The following OTOP3 variants were observed in gnomAD, a reference collection of about 807,000 sequenced individuals.
OTOP3 encodes proton channel OTOP3.
In OTOP3, 41 loss-of-function variants were observed where a neutral mutation model predicts 50.8. The ratio of observed to expected loss-of-function variants is 0.81; its 90% CI spans 0.63 to 1.05. The LOEUF is 1.05. OTOP3 is among the 50% of genes least tolerant of loss of function. OTOP3 has a pLI of 0.00. For synonymous variants in OTOP3, 320 were observed against 324.4 expected, an observed-to-expected ratio of 0.99 and a Z score of 0.14; for missense variants, 788 against 760.8, an observed-to-expected ratio of 1.04 and a Z score of -0.42.
rs558778076 is a variant in OTOP3 at position 74,941,051 on chromosome 17, T to C, written c.20-342T>C. Among the ~76,000 whole-genome samples the C allele has an allele frequency of 2.0e-5, 3 of 152,292 alleles. No homozygotes were observed. In the East Asian group the frequency reaches 5.8e-4, roughly 29 times the overall value. On this transcript the variant is annotated intron_variant, in intron 1 of 6. Coordinates refer to ENST00000328801, the MANE Select transcript of OTOP3 (RefSeq NM_001272005.2). Reference sequence around the variant, plus strand: ...ACCGCTGCCTTTTCATGGCAAAAAGTCACAGCCCTAGAAACTGACCAGGCA... The same window carrying C: ...ACCGCTGCCTTTTCATGGCAAAAAGCCACAGCCCTAGAAACTGACCAGGCA...
intron 1 of OTOP3, among the ~76,000 whole-genome samples, chr17:74,938,089 G>A (rs993012078): frequency 1.3e-5 from 2 of 152,130 alleles, no homozygotes; most frequent in African/African-American, 4.8e-5. Context: ...CAGAACTTAG[G>A]CAAGGATGAC....
At chr17:74,939,175 A>C (rs2039147431) in intron 1 of OTOP3, among the ~76,000 whole-genome samples, 2 of 152,098 alleles carry the variant, frequency 1.3e-5, no homozygotes, top group Admixed American at 1.3e-4. Context: ...CCCTAGCTCT[A>C]AAAATAGACA....
Position 74,935,932 on chromosome 17 carries a change from C to G in OTOP3, c.11C>G (p.Pro4Arg), listed in dbSNP as rs973861794. The change falls in exon 1 of 7, where the codon CCG (proline) becomes CGG (arginine). Residue 4 changes from proline (P) to arginine (R), a missense_variant. Transcript: ENST00000328801. MPL[P>R]ASAPAEATPM... is the part of the protein sequence containing the mutation. ...GGTTAGCCCACGGCGATGCCTCTCC[C>G]GGCCTCAGGTAAGCCCGGAGCGCCG... The G allele has an allele frequency of 3.2e-6, 5 of 1,544,470 alleles. No individual in the cohort carries two copies. In the African/African-American group the frequency reaches 4.1e-5, roughly 13 times the overall value.
At chr17:74,936,029 A>C in intron 1 of OTOP3, 89 bp downstream of exon 1, 1 of 1,513,624 alleles carries the variant, frequency 6.6e-7, no homozygotes, top group Non-Finnish European at 8.9e-7. Flanking sequence ...GGGGGTTCAC[A>C]AGTAGGGGCT....
Position 74,949,323 on chromosome 17 carries a change from A to G in OTOP3, c.1644A>G (p.Ile548Met). ...AAAAGGATTTCTACGGCTACCAGAT[A>G]TGGTTCGCCATCGTCAACTTCGGCC... ...GLEKDFYGYQ[I>M]WFAIVNFGLP... Residue 548 changes from isoleucine (I) to methionine (M), a missense_variant, in exon 7 of 7, where the codon ATA becomes ATG. Transcript: ENST00000328801. 1 of 1,614,044 alleles carries G rather than the reference A, an allele frequency of 6.2e-7. No homozygotes were observed. Among genetic ancestry groups the G allele is most frequent in the Non-Finnish European group, 8.5e-7 (1 of 1,179,992 alleles).
chr17:74,941,997 T>TTGTC lies in OTOP3; in HGVS notation c.535_538dup (p.Phe180CysfsTer33), dbSNP rs1567950625. 3 of 1,613,450 alleles carry TTGTC rather than the reference T, an allele frequency of 1.9e-6. No individual in the cohort carries two copies. The highest frequency in any genetic ancestry group is 2.5e-6 in the Non-Finnish European group (3 of 1,179,690). On this transcript the variant is annotated frameshift_variant, in exon 3 of 7. Transcript: ENST00000328801. LOFTEE classifies it high-confidence loss of function. ...ATCCGCTGCAAGTCACAGCTGGACC[T>TTGTC]TGTCTTCTCTGTCATCGAGATGGTC... is the stretch of plus-strand genomic sequence containing the variant.
Position 74,947,065 on chromosome 17 carries a change from C to G in OTOP3, c.1156C>G (p.Leu386Val). Residue 386 changes from leucine (L) to valine (V), a missense_variant, in exon 6 of 7, where the codon CTG (leucine) becomes GTG (valine). Transcript: ENST00000328801. ...TAIHGLEERE[L>V]DTVKNPTRSL... ...CATACACGGGCTGGAGGAGAGAGAG[C>G]TGGACACGGTCAAGAACCCTACCCG... 1 of 1,614,112 alleles carries G rather than the reference C, an allele frequency of 6.2e-7. No homozygotes were observed. The highest frequency in any genetic ancestry group is 8.5e-7 in the Non-Finnish European group (1 of 1,180,048).
At chr17:74,938,027 T>C (rs758354626) in intron 1 of OTOP3, among the ~76,000 whole-genome samples, 26 of 151,802 alleles carry the variant, frequency 1.7e-4, no homozygotes, top group Non-Finnish European at 3.5e-4. Context: ...CCTGGGTTGG[T>C]GTGGGAGGCA....
intron 5 of OTOP3, among the ~76,000 whole-genome samples, chr17:74,946,125 G>A (rs372898839): frequency 1.3e-5 from 2 of 152,004 alleles, no homozygotes; most frequent in African/African-American, 2.4e-5. Context: ...TTACAGGCAC[G>A]TGCCACCATG....
intron 1 of OTOP3, among the ~76,000 whole-genome samples, chr17:74,939,773 TCCTTCAAAGTCAA>T (rs888501602): frequency 6.6e-6 from 1 of 152,106 alleles, no homozygotes; most frequent in Non-Finnish European, 1.5e-5. Flanking sequence ...AGAAGCCAGT[TCCTTCAAAGTCAA>T]CCTTCAAAGT....
chr17:74,938,351 G>A (rs965852954), intron 1 of OTOP3, among the ~76,000 whole-genome samples: 1 of 151,862 alleles, frequency 6.6e-6, no homozygotes, highest in African/African-American at 2.4e-5. Context: ...TCAAGGGAGA[G>A]ACAGAGCAAA....
intron 1 of OTOP3, among the ~76,000 whole-genome samples, chr17:74,938,029 T>A (rs1280092738): frequency 6.6e-6 from 1 of 151,812 alleles, no homozygotes; most frequent in Non-Finnish European, 1.5e-5. Flanking sequence ...TGGGTTGGTG[T>A]GGGAGGCAGG....
At position 74,949,277 on chromosome 17, in the gene OTOP3, C is replaced by A. The variant is rs140589259; in HGVS notation, c.1598C>A (p.Pro533Gln). Residue 533 changes from proline to glutamine, a missense_variant, in exon 7 of 7, where the codon CCG becomes CAG. Transcript: ENST00000328801. ...ATGATGCCTGCATTTGGCATACACC[C>A]GGAGTTTGAGAACGGGCTAGAAAAG... ...LWMMPAFGIH[P>Q]EFENGLEKDF... 6.2e-7 allele frequency: 1 copy of A among 1,614,010 alleles called. No homozygotes were observed. Among genetic ancestry groups the A allele is most frequent in the South Asian group, 1.1e-5 (1 of 91,082 alleles).
rs751996365 is a variant in OTOP3 at position 74,947,259 on chromosome 17, C to G, written c.1350C>G (p.Ile450Met). 3 of 1,613,670 alleles carry G rather than the reference C, an allele frequency of 1.9e-6. No individual in the cohort carries two copies. The highest frequency in any genetic ancestry group is 2.5e-6 in the Non-Finnish European group (3 of 1,179,914). ...ILQHIAQNLF[I>M]IEGLHRRPLW... The stretch of plus-strand genomic sequence containing the variant: ...AGCACATCGCTCAGAACCTCTTCAT[C>G]ATCGAGGGCCTGCACCGGCGCCCAC... Residue 450 changes from isoleucine (I) to methionine (M), a missense_variant, in exon 6 of 7, where the codon ATC becomes ATG. Transcript: ENST00000328801.
chr17:74,938,424 G>A (rs1310522966), intron 1 of OTOP3, among the ~76,000 whole-genome samples: 5 of 152,144 alleles, frequency 3.3e-5, no homozygotes, highest in African/African-American at 7.2e-5. Context: ...GAATGCTGAC[G>A]AGGGAAGGCC....
chr17:74,949,509 G>T lies in OTOP3; in HGVS notation c.*93G>T. On this transcript the variant is annotated 3_prime_UTR_variant, in exon 7 of 7. Coordinates refer to ENST00000328801, the MANE Select transcript of OTOP3 (RefSeq NM_001272005.2). ...CAGATGCCTCATTCTGAGGTGCCGA[G>T]ACCAGCCTGAGGCTCTCAAGGCCTC... is the stretch of plus-strand genomic sequence containing the variant. 1 of 1,441,588 alleles carries T rather than the reference G, an allele frequency of 6.9e-7. No individual in the cohort carries two copies. The highest frequency in any genetic ancestry group is 1.3e-5 in the South Asian group (1 of 76,682). The allele number at this position is 1,441,588 out of a possible 1,614,324, so 89.3% of individuals were successfully genotyped here. A position where few individuals can be genotyped will look rare whatever the true frequency, so the allele number is the denominator to read the frequency against.
intron 1 of OTOP3, among the ~76,000 whole-genome samples, chr17:74,940,158 T>A (rs1156593950): frequency 2.0e-5 from 3 of 150,154 alleles, no homozygotes; most frequent in Non-Finnish European, 4.4e-5. Flanking sequence ...TATGGGGTTT[T>A]TTTCGGCTTT....
rs2039235183 is a variant in OTOP3 at position 74,947,094 on chromosome 17, C to T, written c.1185C>T (p.Ser395=). Residue 395 remains serine, a synonymous_variant, in exon 6 of 7, where the codon AGC becomes AGT. Coordinates refer to ENST00000328801, the MANE Select transcript of OTOP3 (RefSeq NM_001272005.2). Reference sequence around the variant, plus strand: ...ACACGGTCAAGAACCCTACCCGCAGCCTGGATGTGGTGCTGCTAATGGGTG... The same window carrying T: ...ACACGGTCAAGAACCCTACCCGCAGTCTGGATGTGGTGCTGCTAATGGGTG... The part of the protein sequence containing the change: ...ELDTVKNPTR[S]LDVVLLMGAA... The T allele has an allele frequency of 6.2e-7, 1 of 1,614,036 alleles. No homozygotes were observed. Among genetic ancestry groups the T allele is most frequent in the Non-Finnish European group, 8.5e-7 (1 of 1,180,056 alleles).
At chr17:74,945,950 GT>G (rs1366829210) in intron 5 of OTOP3, among the ~76,000 whole-genome samples, 1 of 150,150 alleles carries the variant, frequency 6.7e-6, no homozygotes, top group African/African-American at 2.5e-5. Context: ...TCCGGCTAAT[GT>G]TTTTTGTTAG....
Sources: allele counts gnomAD v4.1 joint callset (sites outside exome capture counted in the v4.1 genomes callset), GRCh38; gene constraint gnomAD v4.1.1; transcripts MANE v1.5; gene names NCBI Gene and HGNC (gene_info 2026-07-23, HGNC 2026-07-21).